ASH2L: variants seen among roughly 807,000 people sequenced by gnomAD.
ASH2L encodes the protein set1/Ash2 histone methyltransferase complex subunit ASH2.
A neutral mutation model predicts 81.1 loss-of-function variants in ASH2L; 30 were observed. That is an observed-to-expected ratio of 0.37 (90% CI 0.28 to 0.50). The LOEUF is 0.50. Among genes scored for constraint, ASH2L ranks in the 20% least tolerant of loss-of-function variants. The probability of loss-of-function intolerance (pLI) is 0.95; values close to 1 mark genes in which losing one functional copy is unlikely to be tolerated. For synonymous variants in ASH2L, 273 were observed against 279.9 expected (o/e 0.98, Z 0.24); for missense variants, 559 against 792.1 (o/e 0.71, Z 3.53).
chr8:38,119,392 C>T, intron 9 of ASH2L, 29 bp downstream of exon 9: 1 of 1,482,680 alleles, frequency 6.7e-7, no homozygotes, highest in Middle Eastern at 1.9e-4. Context: ...CTGCCCCCCT[C>T]ACTATTTAAG....
In ASH2L at chr8:38,135,726, G is replaced by C. The variant is rs1037488810; in HGVS notation, c.1679G>C (p.Gly560Ala). Residue 560 changes from glycine to alanine, a missense_variant, in exon 14 of 16, where the codon GGG becomes GCG. Physicochemically the swap from Gly to Ala is moderately conservative, Grantham distance 60. Around this residue, in one of 4 missense-constraint regions of ASH2L, gnomAD observed 95 missense variants for 130.7 expected, o/e 0.73. Coordinates refer to ENST00000343823, the MANE Select transcript of ASH2L (RefSeq NM_004674.5). ...QGVAYKDIFE[G>A]VYFPAISLYK... Reference sequence around the variant, plus strand: ...GTGGCTTACAAAGATATTTTTGAGGGGGTTTACTTCCCAGCCATCTCACTG... The same window carrying C: ...GTGGCTTACAAAGATATTTTTGAGGCGGTTTACTTCCCAGCCATCTCACTG... 1.9e-6 allele frequency: 3 copies of C among 1,612,878 alleles called. No individual in the cohort carries two copies. The African/African-American group carries it at 4.0e-5, about 22-fold the overall frequency.
chr8:38,119,724 G>C (rs1357834460), intron 9 of ASH2L, among the ~76,000 whole-genome samples: 1 of 152,156 alleles, frequency 6.6e-6, no homozygotes, highest in Non-Finnish European at 1.5e-5. Flanking sequence ...AGAATCGCTT[G>C]AACCTGGGAG....
At chr8:38,131,259 G>A (rs560612439) in intron 12 of ASH2L, among the ~76,000 whole-genome samples, 39 of 151,942 alleles carry the variant, frequency 2.6e-4, no homozygotes, top group Non-Finnish European at 4.7e-4. Flanking sequence ...CTGATGCCTG[G>A]TTTTACAGAA....
intron 14 of ASH2L, chr8:38,138,013 C>G (rs1267854696): frequency 6.6e-6 from 1 of 152,136 alleles, no homozygotes; most frequent in Non-Finnish European, 1.5e-5. Flanking sequence ...CGGAGTGGCT[C>G]ACGGCAGTAA....
Position 38,120,921 on chromosome 8 carries a change from C to T in ASH2L, c.948-11C>T. 1.9e-6 allele frequency: 3 copies of T among 1,608,940 alleles called. No individual in the cohort carries two copies. Among genetic ancestry groups the T allele is most frequent in the Non-Finnish European group, 2.5e-6 (3 of 1,177,688 alleles). ...TTTTAGTTTTTTGATGTTATTTTTT[C>T]CTTTCTGCAGTGACCCTTTGTTTTC... On this transcript the variant is annotated splice_polypyrimidine_tract_variant and intron_variant, in intron 9 of 15. Coordinates refer to ENST00000343823, the MANE Select transcript of ASH2L (RefSeq NM_004674.5).
intron 3 of ASH2L, among the ~76,000 whole-genome samples, 154 bp from the exon 4 acceptor site, chr8:38,110,225 A>C (rs1435119841): frequency 6.6e-6 from 1 of 152,168 alleles, no homozygotes; most frequent in Admixed American, 6.5e-5. Flanking sequence ...TGGGAGAATC[A>C]ACCTGAGCCA....
At chr8:38,106,179 T>A in intron 1 of ASH2L, 199 bp from the exon 2 acceptor site, 1 of 1,521,092 alleles carries the variant, frequency 6.6e-7, no homozygotes, top group Non-Finnish European at 8.9e-7. Flanking sequence ...TTCCCTGTGC[T>A]CCGTGGGTCC....
intron 14 of ASH2L, among the ~76,000 whole-genome samples, chr8:38,136,643 C>T (rs1346019230): frequency 1.3e-5 from 2 of 151,474 alleles, no homozygotes; most frequent in Non-Finnish European, 2.9e-5. Context: ...GGCTTGGTGG[C>T]ACATGCCTGT....
intron 13 of ASH2L, among the ~76,000 whole-genome samples, chr8:38,134,269 T>C (rs960706684): frequency 2.6e-5 from 4 of 151,698 alleles, no homozygotes; most frequent in African/African-American, 9.7e-5. Flanking sequence ...ACTGTTGTCC[T>C]GTGACCCTGC....
chr8:38,106,554 C>T, intron 2 of ASH2L, 110 bp downstream of exon 2: 1 of 954,616 alleles, frequency 1.0e-6, no homozygotes, highest in Admixed American at 2.6e-5. Context: ...GTCGCCCAGG[C>T]TGGAATGCAG....
At chr8:38,113,077 T>C (rs1810752547) in intron 5 of ASH2L, among the ~76,000 whole-genome samples, 1 of 152,082 alleles carries the variant, frequency 6.6e-6, no homozygotes, top group Admixed American at 6.6e-5. Context: ...CAAGCAATTA[T>C]CCTGCCTCAG....
At chr8:38,123,570 T>G (rs910848821) in intron 10 of ASH2L, among the ~76,000 whole-genome samples, 2 of 152,338 alleles carry the variant, frequency 1.3e-5, no homozygotes, top group South Asian at 2.1e-4. Flanking sequence ...TGCTAGTGTT[T>G]GATGCCATTT....
chr8:38,126,844 ACT>A (rs1320117567), intron 10 of ASH2L, among the ~76,000 whole-genome samples: 5 of 148,696 alleles, frequency 3.4e-5, no homozygotes, highest in Admixed American at 1.4e-4. Context: ...AAAGAGCGAG[ACT>A]CTGTCTCAAA....
intron 14 of ASH2L, among the ~76,000 whole-genome samples, chr8:38,136,921 G>A (rs562863064): frequency 1.7e-4 from 26 of 151,002 alleles, no homozygotes; most frequent in Admixed American, 1.1e-3. Context: ...GTGAGACCTC[G>A]TTGCTACTAA....
intron 11 of ASH2L, 54 bp from the exon 12 acceptor site, chr8:38,128,704 A>T: frequency 6.4e-7 from 1 of 1,567,580 alleles, no homozygotes; most frequent in Non-Finnish European, 8.6e-7. Context: ...CCTTCAGCAA[A>T]CTAGATTTGA....
intron 12 of ASH2L, among the ~76,000 whole-genome samples, chr8:38,132,365 T>C (rs1462521422): frequency 6.6e-6 from 1 of 152,232 alleles, no homozygotes; most frequent in East Asian, 1.9e-4. Context: ...TTTAAATTAA[T>C]GTCATATATT....
intron 8 of ASH2L, among the ~76,000 whole-genome samples, chr8:38,117,253 T>G (rs184502329): frequency 7.2e-5 from 11 of 152,220 alleles, no homozygotes; most frequent in African/African-American, 2.7e-4. Context: ...GGCTGAGAGA[T>G]ATTTAGCTGT....
rs1232702344 is a variant in ASH2L, at chr8:38,119,256, C to T, written c.854-14C>T. On this transcript the variant is annotated splice_polypyrimidine_tract_variant and intron_variant, in intron 8 of 15. Coordinates refer to ENST00000343823, the MANE Select transcript of ASH2L (RefSeq NM_004674.5). The stretch of plus-strand genomic sequence containing the variant: ...CTTGTGGCTCATTGAAAGCAATCTG[C>T]CTTCTCTTCAAAGGGGGAATTGCAG... The T allele has an allele frequency of 3.2e-6, 5 of 1,548,744 alleles. No homozygotes were observed. The highest frequency in any genetic ancestry group is 4.4e-6 in the Non-Finnish European group (5 of 1,145,680).
Position 38,105,719 on chromosome 8 carries a change from T to G in ASH2L, c.169T>G (p.Ser57Ala), listed in dbSNP as rs764087680. 4.6e-6 allele frequency: 7 copies of G among 1,534,822 alleles called. No individual in the cohort carries two copies. Among genetic ancestry groups the G allele is most frequent in the Non-Finnish European group, 6.1e-6 (7 of 1,143,490 alleles). The stretch of plus-strand genomic sequence containing the variant: ...TGCTGCTCCGACAGTTGAGCCCAGT[T>G]CCGGGGAGGCTGAAGGCGGGTAAGA... ...ISAAPTVEPS[S>A]GEAEGGEANL... is the part of the protein sequence containing the mutation. Residue 57 changes from serine to alanine, a missense_variant, in exon 1 of 16, where the codon TCC (serine) becomes GCC (alanine). Ser to Ala is a moderately conservative substitution (Grantham distance 99). Around this residue, in one of 4 missense-constraint regions of ASH2L, gnomAD observed 145 missense variants for 115.5 expected, o/e 1.26. Transcript: ENST00000343823.
Sources: gnomAD v4.1 joint callset for allele counts (sites outside exome capture counted in the v4.1 genomes callset) on GRCh38, gnomAD v4.1.1 for gene constraint, gnomAD v4.1.1 regional missense constraint, MANE v1.5 for transcripts, NCBI Gene and HGNC (gene_info 2026-07-23, HGNC 2026-07-21) for gene names.